Variants in GOLIM4 observed in about 807,000 individuals in gnomAD.
The protein encoded by GOLIM4 is golgi integral membrane protein 4, also known as 130 kDa golgi-localized phosphoprotein.
In GOLIM4, 71 loss-of-function variants were observed where a neutral mutation model predicts 107.4. The observed-to-expected ratio is 0.66, with a 90% CI of 0.55 to 0.81. GOLIM4 has a LOEUF of 0.81. Ranked by LOEUF, GOLIM4 falls within the 30% of genes least tolerant of loss-of-function variation. The pLI, the probability that GOLIM4 is intolerant of heterozygous loss-of-function variation, is 0.00. For missense variants in GOLIM4, 830 were observed against 826.1 expected (o/e 1.00, Z -0.06); for synonymous variants, 327 against 294.8 (o/e 1.11, Z -1.12).
chr3:168,010,644 T>C (rs1182369024), intron 15 of GOLIM4, 99 bp downstream of exon 15: 4 of 936,998 alleles, frequency 4.3e-6, no homozygotes, highest in Non-Finnish European at 6.8e-6. Flanking sequence ...GAGGTACCAT[T>C]ACCCACTGGT....
intron 1 of GOLIM4, among the ~76,000 whole-genome samples, chr3:168,062,242 G>A (rs1186339627): frequency 2.6e-5 from 4 of 152,154 alleles, no homozygotes; most frequent in Admixed American, 6.5e-5. Flanking sequence ...ATCATCACCC[G>A]AGGTAAAGCA....
intron 14 of GOLIM4, among the ~76,000 whole-genome samples, chr3:168,019,363 C>T (rs1386494852): frequency 1.3e-5 from 2 of 152,136 alleles, no homozygotes; most frequent in Admixed American, 6.5e-5. Context: ...TTTACCTTCA[C>T]GTATCACAGT....
intron 5 of GOLIM4, among the ~76,000 whole-genome samples, chr3:168,043,116 C>G (rs1719109939): frequency 6.6e-6 from 1 of 152,116 alleles, no homozygotes; most frequent in African/African-American, 2.4e-5. Flanking sequence ...AATCGTCTTG[C>G]CCAACAGGGC....
chr3:168,020,484 G>C (rs746491057), intron 14 of GOLIM4, among the ~76,000 whole-genome samples: 5 of 152,120 alleles, frequency 3.3e-5, no homozygotes, highest in Non-Finnish European at 5.9e-5. Flanking sequence ...CAAGGGTAAG[G>C]GTCTGGTCCA....
At chr3:168,078,159 T>G (rs1225189843) in intron 1 of GOLIM4, among the ~76,000 whole-genome samples, 1 of 152,132 alleles carries the variant, frequency 6.6e-6, no homozygotes, top group Non-Finnish European at 1.5e-5. Flanking sequence ...CCCTGTTAAT[T>G]ATTTGAATAT....
Position 168,010,799 on chromosome 3 carries a change from T to C in GOLIM4, c.1885A>G (p.Lys629Glu), listed in dbSNP as rs747275266. ...EEVQEDLTEE[K>E]KRELEHNAEE... ...GCATTATGCTCCAGTTCCCTTTTTTTCTCTTCAGTCAAATCTTCCTGAACC... is the reference window on the plus strand; with the variant it reads ...GCATTATGCTCCAGTTCCCTTTTTTCCTCTTCAGTCAAATCTTCCTGAACC... The change falls in exon 15 of 16, where the codon AAA becomes GAA. Residue 629 changes from lysine (K) to glutamate (E), a missense_variant. By Grantham distance (56) the Lys-to-Glu change is moderately conservative. Coordinates refer to ENST00000470487, the MANE Select transcript of GOLIM4 (RefSeq NM_014498.5). 2 of 1,611,862 alleles carry C rather than the reference T, an allele frequency of 1.2e-6. No individual in the cohort carries two copies. Among genetic ancestry groups the C allele is most frequent in the East Asian group, 2.2e-5 (1 of 44,850 alleles).
At position 168,010,378 on chromosome 3, in the gene GOLIM4, C is replaced by A. The variant is rs192864785; in HGVS notation, c.1982G>T (p.Arg661Leu). The change falls in exon 16 of 16, where the codon CGA becomes CTA. Residue 661 changes from arginine to leucine, a missense_variant. Arg to Leu is a moderately radical substitution (Grantham distance 102). Transcript: ENST00000470487. The stretch of plus-strand genomic sequence containing the variant: ...TCGGCCTTTGGGGCGGTTGTCATCT[C>A]GAACTTCTTGCTCTTCTCCATCATT... ...KNNDGEEQEV[R>L]DDNRPKGREE... 1 of 1,611,774 alleles carries A rather than the reference C, an allele frequency of 6.2e-7. No homozygotes were observed. Among genetic ancestry groups the A allele is most frequent in the Non-Finnish European group, 8.5e-7 (1 of 1,178,202 alleles).
chr3:168,086,911 A>G (rs1721658772), intron 1 of GOLIM4, among the ~76,000 whole-genome samples: 1 of 152,226 alleles, frequency 6.6e-6, no homozygotes, highest in Non-Finnish European at 1.5e-5. Flanking sequence ...AGCACAGAGC[A>G]GTGAAGGGGT....
intron 9 of GOLIM4, among the ~76,000 whole-genome samples, chr3:168,030,636 G>A (rs1718277244): frequency 6.6e-6 from 1 of 151,830 alleles, no homozygotes; most frequent in Admixed American, 6.6e-5. Context: ...ATCTGATACA[G>A]CAATTCTTAA....
intron 8 of GOLIM4, among the ~76,000 whole-genome samples, chr3:168,033,560 T>C (rs796701773): frequency 3.2e-4 from 40 of 123,782 alleles, no homozygotes; most frequent in African/African-American, 1.2e-3. Flanking sequence ...TGAGCCGAGA[T>C]TGCGCCACTG....
chr3:168,028,603 T>C (rs2108226245), intron 11 of GOLIM4, among the ~76,000 whole-genome samples: 1 of 152,270 alleles, frequency 6.6e-6, no homozygotes, highest in African/African-American at 2.4e-5. Context: ...CTTACTGATA[T>C]GAGAACAAAA....
At chr3:168,080,077 A>G (rs1226042298) in intron 1 of GOLIM4, among the ~76,000 whole-genome samples, 1 of 152,200 alleles carries the variant, frequency 6.6e-6, no homozygotes, top group Non-Finnish European at 1.5e-5. Context: ...ACTAATTCCT[A>G]TGGAAGTATA....
At chr3:168,034,021 GA>G (rs1718501131) in intron 8 of GOLIM4, among the ~76,000 whole-genome samples, 1 of 152,046 alleles carries the variant, frequency 6.6e-6, no homozygotes, top group African/African-American at 2.4e-5. Flanking sequence ...TCCCAAAATT[GA>G]AATAAATGTG....
rs1460952318 is a variant in GOLIM4, at chr3:168,074,937, CAT to C, written c.187+20160_187+20161del. 3.2e-4 allele frequency among the ~76,000 whole-genome samples: 49 copies of C among 152,186 alleles called. 2 individuals are homozygous for C. The highest frequency in any genetic ancestry group is 6.8e-3 in the Middle Eastern group (2 of 294). ...GGAAATTAGATGTGATCTAGTGAGACATAAATCAAAATTCAAGAAATAATTTG... is the reference window on the plus strand; with the variant it reads ...GGAAATTAGATGTGATCTAGTGAGACAAATCAAAATTCAAGAAATAATTTG... On this transcript the variant is annotated intron_variant, in intron 1 of 15. Transcript: ENST00000470487.
intron 5 of GOLIM4, among the ~76,000 whole-genome samples, chr3:168,043,045 T>C (rs1033171159): frequency 1.3e-5 from 2 of 152,212 alleles, no homozygotes; most frequent in East Asian, 1.9e-4. Flanking sequence ...TGAGAAGCAT[T>C]ATAGCATTTA....
In GOLIM4 at chr3:168,009,783, G is replaced by A. The variant is rs143635594; in HGVS notation, c.*486C>T. On this transcript the variant is annotated 3_prime_UTR_variant, in exon 16 of 16. Transcript: ENST00000470487. ...TCTCACTCCAGAGATACATAGACTG[G>A]TGAAAATTCTATCAGAGCTATACAT... The A allele has an allele frequency of 0.013, 1,944 of 152,534 alleles. 81 individuals carry two copies. Among genetic ancestry groups the A allele is most frequent in the East Asian group, 0.092 (477 of 5,196 alleles). 9.4% of individuals were successfully genotyped at this position (152,534 alleles called of 1,614,324 possible). A position where few individuals can be genotyped will look rare whatever the true frequency, so the allele number is the denominator to read the frequency against.
At chr3:168,034,870 G>C (rs1260942272) in intron 8 of GOLIM4, among the ~76,000 whole-genome samples, 2 of 152,166 alleles carry the variant, frequency 1.3e-5, no homozygotes. Context: ...TGGAAGATGG[G>C]ACTTGCTCCT....
intron 8 of GOLIM4, among the ~76,000 whole-genome samples, chr3:168,035,499 G>A (rs528833460): frequency 7.2e-4 from 109 of 152,294 alleles, no homozygotes; most frequent in African/African-American, 2.5e-3. Context: ...CCTTTGCAGG[G>A]GCATGGATGG....
intron 3 of GOLIM4, among the ~76,000 whole-genome samples, chr3:168,046,556 A>T (rs999134778): frequency 2.4e-4 from 36 of 152,244 alleles, no homozygotes; most frequent in African/African-American, 8.2e-4. Flanking sequence ...AGTATCATTC[A>T]TCCCTTCACC....
Sources: gnomAD v4.1 joint callset for allele counts (sites outside exome capture counted in the v4.1 genomes callset) on GRCh38, gnomAD v4.1.1 for gene constraint, MANE v1.5 for transcripts, NCBI Gene and HGNC (gene_info 2026-07-23, HGNC 2026-07-21) for gene names.